Variants in RADIL observed in about 807,000 individuals in gnomAD.
The protein encoded by RADIL is ras-associating and dilute domain-containing protein.
RADIL carries 99 observed loss-of-function variants against 97.6 expected under a neutral mutation model. The ratio of observed to expected loss-of-function variants is 1.01; its 90% CI spans 0.86 to 1.20. RADIL has a LOEUF of 1.20. RADIL is among the 50% of genes most tolerant of loss of function. The pLI, the probability that RADIL is intolerant of heterozygous loss-of-function variation, is 0.00. For synonymous variants in RADIL, 803 were observed against 691.8 expected, an observed-to-expected ratio of 1.16 and a Z score of -2.52; for missense variants, 1,765 against 1,498.9, an observed-to-expected ratio of 1.18 and a Z score of -2.93.
chr7:4,878,109 G>A lies in RADIL; in HGVS notation c.31C>T (p.Pro11Ser), dbSNP rs1176671949. The change falls in exon 2 of 15, where the codon CCG becomes TCG. Residue 11 changes from proline (P) to serine (S), a missense_variant. Coordinates refer to ENST00000399583, the MANE Select transcript of RADIL (RefSeq NM_018059.5). The surrounding 1 kb of genome is among the most constrained non-coding windows in gnomAD (Gnocchi z 4.1). ...CGCTTCAGTTTGCTCTTGGTGGGCG[G>A]GGACATGATGAAGTGCGTCCCATAA... MFYGTHFIMS[P>S]PTKSKLKRQS... 1 of 1,578,948 alleles carries A rather than the reference G, an allele frequency of 6.3e-7. No individual in the cohort carries two copies. Among genetic ancestry groups the A allele is most frequent in the South Asian group, 1.2e-5 (1 of 86,590 alleles).
In RADIL at chr7:4,815,826, G is replaced by A. The variant is rs1192687774; in HGVS notation, c.1967-376C>T. ...TGGCCAGTGCTCCTGAGCCCTGCAG[G>A]TGATGGGGGAAGTCACTCCACAAGG... On this transcript the variant is annotated intron_variant, in intron 8 of 14. Coordinates refer to ENST00000399583, the MANE Select transcript of RADIL (RefSeq NM_018059.5). This position sits in a 1 kb window ranked among gnomAD's most constrained non-coding sequence, Gnocchi z 8.0. Among the ~76,000 whole-genome samples, 2 of 152,168 alleles carry A rather than the reference G, an allele frequency of 1.3e-5. No individual in the cohort carries two copies. Among genetic ancestry groups the A allele is most frequent in the African/African-American group, 2.4e-5 (1 of 41,438 alleles).
At chr7:4,855,939 GT>G (rs1277731568) in intron 2 of RADIL, among the ~76,000 whole-genome samples, 1 of 151,864 alleles carries the variant, frequency 6.6e-6, no homozygotes, top group Non-Finnish European at 1.5e-5. Context: ...AGGATTACAG[GT>G]GCGCATCACC....
chr7:4,827,337 C>A (rs6962649), intron 5 of RADIL, among the ~76,000 whole-genome samples: 7,725 of 146,480 alleles, frequency 0.053, 677 homozygotes, highest in African/African-American at 0.18. Flanking sequence ...TGCACTCCAG[C>A]GTAGACGACA....
chr7:4,861,808 C>G lies in RADIL; in HGVS notation c.535+15797G>C, dbSNP rs1184418101. ...CCTGGGTTGTCACCGGAAACGGCAT[C>G]ATCTTTCAGCGCCCGCCCCGCCAGG... is the stretch of plus-strand genomic sequence containing the variant. On this transcript the variant is annotated intron_variant, in intron 2 of 14. Transcript: ENST00000399583. The G allele has an allele frequency of 2.2e-6, 3 of 1,369,256 alleles. No individual in the cohort carries two copies. The African/African-American group carries it at 6.3e-5, about 29-fold the overall frequency. The allele number at this position is 1,369,256 out of a possible 1,614,324, so 84.8% of individuals were successfully genotyped here.
intron 5 of RADIL, among the ~76,000 whole-genome samples, chr7:4,828,979 G>C (rs989406108): frequency 6.6e-6 from 1 of 152,192 alleles, no homozygotes; most frequent in African/African-American, 2.4e-5. Flanking sequence ...TCAGCACTTA[G>C]GAGGATGAGG....
intron 2 of RADIL, 60 bp from the exon 3 acceptor site, chr7:4,836,665 C>A (rs955152227): frequency 5.7e-6 from 9 of 1,592,238 alleles, no homozygotes; most frequent in Non-Finnish European, 7.7e-6. Context: ...GGACTGGGCG[C>A]GGTGGCTCAC....
intron 2 of RADIL, among the ~76,000 whole-genome samples, chr7:4,855,210 C>A (rs1783797447): frequency 6.6e-6 from 1 of 152,160 alleles, no homozygotes; most frequent in Admixed American, 6.6e-5. Context: ...TCGGCTACTA[C>A]AAAACGTTGA....
In RADIL at chr7:4,798,028, T is replaced by C. The variant is rs918868806; in HGVS notation, c.*1350A>G. Reference sequence around the variant, plus strand: ...TATAATAAAATATAAAAAATGTTTATAAAATATACGAATATATTACGTATA... The same window carrying C: ...TATAATAAAATATAAAAAATGTTTACAAAATATACGAATATATTACGTATA... On this transcript the variant is annotated 3_prime_UTR_variant, in exon 15 of 15. Coordinates refer to ENST00000399583, the MANE Select transcript of RADIL (RefSeq NM_018059.5). 3 of 148,412 alleles carry C rather than the reference T, an allele frequency of 2.0e-5. No individual in the cohort carries two copies. Among genetic ancestry groups the C allele is most frequent in the Non-Finnish European group, 4.5e-5 (3 of 67,302 alleles). 9.2% of individuals were successfully genotyped at this position (148,412 alleles called of 1,614,324 possible). A position where few individuals can be genotyped will look rare whatever the true frequency, so the allele number is the denominator to read the frequency against.
chr7:4,860,280 T>C lies in RADIL; in HGVS notation c.535+17325A>G. ...AAATCTGTCAATCTTCTACCTTCTG[T>C]TGAGTGTGCTTTCTTGTCCTGAAGC... On this transcript the variant is annotated intron_variant, in intron 2 of 14. Coordinates refer to ENST00000399583, the MANE Select transcript of RADIL (RefSeq NM_018059.5). 6.2e-7 allele frequency: 1 copy of C among 1,613,908 alleles called. No homozygotes were observed. Among genetic ancestry groups the C allele is most frequent in the Non-Finnish European group, 8.5e-7 (1 of 1,179,814 alleles).
intron 2 of RADIL, among the ~76,000 whole-genome samples, chr7:4,850,955 A>C (rs761427465): frequency 6.6e-6 from 1 of 152,140 alleles, no homozygotes. Flanking sequence ...GAATCCCAGC[A>C]CTTTGGGAGG....
rs1374718180 is a variant in RADIL at position 4,815,589 on chromosome 7, C to A, written c.1967-139G>T. ...GCTCGATGACAGGCAGGACACCTTC[C>A]CTCGGTTTTCAAGGCAACTGACCAG... On this transcript the variant is annotated intron_variant, in intron 8 of 14. Coordinates refer to ENST00000399583, the MANE Select transcript of RADIL (RefSeq NM_018059.5). The surrounding 1 kb of genome is among the most constrained non-coding windows in gnomAD (Gnocchi z 8.0). 2.0e-6 allele frequency: 2 copies of A among 988,638 alleles called. No individual in the cohort carries two copies. Among genetic ancestry groups the A allele is most frequent in the African/African-American group, 3.3e-5 (2 of 59,896 alleles). The allele number at this position is 988,638 out of a possible 1,614,324, so 61.2% of individuals were successfully genotyped here. A position where few individuals can be genotyped will look rare whatever the true frequency, so the allele number is the denominator to read the frequency against.
chr7:4,805,265 G>C (rs1447048546), intron 10 of RADIL: 9 of 384,390 alleles, frequency 2.3e-5, no homozygotes, highest in Non-Finnish European at 3.8e-5. Context: ...CATACAACAG[G>C]GGAGGCCCCA....
chr7:4,803,814 C>A (rs761856588), intron 10 of RADIL, 60 bp from the exon 11 acceptor site: 22 of 1,454,526 alleles, frequency 1.5e-5, no homozygotes, highest in Non-Finnish European at 2.1e-5. Flanking sequence ...CTCGCCAGGC[C>A]GCCCCGCCCA....
rs1170157956 is a variant in RADIL, at chr7:4,835,149, C to T, written c.874G>A (p.Asp292Asn). Reference sequence around the variant, plus strand: ...ATGGTGCAGTGTAGAGGCAGGATGTCGGGGGCTGAGAGGCTGATGCTGGGC... The same window carrying T: ...ATGGTGCAGTGTAGAGGCAGGATGTTGGGGGCTGAGAGGCTGATGCTGGGC... Reference protein sequence around the residue: ...SKPSISLSAPDILPLHCTIRR... With the variant: ...SKPSISLSAPNILPLHCTIRR... The change falls in exon 4 of 15, where the codon GAC becomes AAC. Residue 292 changes from aspartate (D) to asparagine (N), a missense_variant. By Grantham distance (23) the Asp-to-Asn change is conservative (BLOSUM62 1). Transcript: ENST00000399583. The surrounding 1 kb of genome is among the most constrained non-coding windows in gnomAD (Gnocchi z 5.8). 3.1e-6 allele frequency: 5 copies of T among 1,610,502 alleles called. No homozygotes were observed. The highest frequency in any genetic ancestry group is 2.7e-5 in the African/African-American group (2 of 74,886).
chr7:4,800,098 C>CGGCCAGGCGTGCATGAACAGGCGG, intron 13 of RADIL, 73 bp downstream of exon 13: 1 of 1,518,428 alleles, frequency 6.6e-7, no homozygotes, highest in Non-Finnish European at 8.8e-7. Flanking sequence ...ACGCAAGCTG[C>CGGCCAGGCGTGCATGAACAGGCGG]GGCCAGGCTT....
At chr7:4,805,897 C>A in intron 9 of RADIL, 181 bp from the exon 10 acceptor site, 1 of 985,372 alleles carries the variant, frequency 1.0e-6, no homozygotes, top group Non-Finnish European at 1.2e-6. Context: ...CTGGCACTTC[C>A]AAGGGCAGCT....
chr7:4,843,216 T>C lies in RADIL; in HGVS notation c.536-6611A>G, dbSNP rs563162137. 3.3e-5 allele frequency among the ~76,000 whole-genome samples: 5 copies of C among 150,518 alleles called. No individual in the cohort carries two copies. In the East Asian group the frequency reaches 6.0e-4, roughly 18 times the overall value. ...TTTTAGTAGAGATGGGGTTTCGCCA[T>C]GTTGGCCAGGATGGTCTCGATCTCC... On this transcript the variant is annotated intron_variant, in intron 2 of 14. Transcript: ENST00000399583.
intron 2 of RADIL, among the ~76,000 whole-genome samples, chr7:4,874,365 C>T (rs79167631): frequency 0.023 from 3,568 of 152,350 alleles, 143 homozygotes; most frequent in African/African-American, 0.082. Flanking sequence ...GGCTTATCCA[C>T]GTGGGGACCC....
chr7:4,826,687 C>T (rs1233170924), intron 5 of RADIL, among the ~76,000 whole-genome samples: 10 of 147,880 alleles, frequency 6.8e-5, no homozygotes, highest in Non-Finnish European at 7.4e-5. Context: ...GAGCTGAGAT[C>T]GAGCCACTAT....
Sources: gnomAD v4.1 joint callset for allele counts (sites outside exome capture counted in the v4.1 genomes callset) on GRCh38, gnomAD v4.1.1 for gene constraint, Gnocchi (gnomAD v3.1) non-coding constraint, MANE v1.5 for transcripts, NCBI Gene and HGNC (gene_info 2026-07-23, HGNC 2026-07-21) for gene names.